The following PCNT variants were observed in gnomAD, a reference collection of about 807,000 sequenced individuals.
PCNT encodes pericentrin.
Under a neutral mutation model 380.4 loss-of-function variants are expected in PCNT, and 319 were observed. The ratio of observed to expected loss-of-function variants is 0.84; its 90% CI spans 0.77 to 0.92. PCNT has a LOEUF of 0.92. Among genes scored for constraint, PCNT ranks in the 40% least tolerant of loss-of-function variants. The pLI, the probability that PCNT is intolerant of heterozygous loss-of-function variation, is 0.00. For missense variants in PCNT, 4,400 were observed against 4,255.3 expected, an observed-to-expected ratio of 1.03 and a Z score of -0.95; for synonymous variants, 1,845 against 1,735.2, an observed-to-expected ratio of 1.06 and a Z score of -1.57.
In PCNT at chr21:46,425,035, G is replaced by A. The variant is rs983565799; in HGVS notation, c.7180-796G>A. On this transcript the variant is annotated intron_variant, in intron 32 of 46. Coordinates refer to ENST00000359568, the MANE Select transcript of PCNT (RefSeq NM_006031.6). This position sits in a 1 kb window ranked among gnomAD's most constrained non-coding sequence, Gnocchi z 4.2. ...CTCATTTTGCATTTCCCTCTTTTTG[G>A]ACTTTATTAGATTATTTTTCTCTTC... Among the ~76,000 whole-genome samples the A allele has an allele frequency of 6.6e-5, 10 of 152,010 alleles. No individual in the cohort carries two copies. The highest frequency in any genetic ancestry group is 6.6e-4 in the Admixed American group (10 of 15,256).
intron 32 of PCNT, among the ~76,000 whole-genome samples, chr21:46,424,715 C>CA (rs143084490): frequency 2.1e-5 from 1 of 48,458 alleles, no homozygotes; most frequent in African/African-American, 1.2e-4. Context: ...TCCCACTGCG[C>CA]CCCCCCCAAC....
chr21:46,363,599 G>T lies in PCNT; in HGVS notation c.2274G>T (p.Glu758Asp). ...CGGACTGGAAAGTTATGAAGGAGGA[G>T]CTACAGCGGGAAGCTGAGGAGAAGT... Reference protein sequence around the residue: ...KETDWKVMKEELQREAEEKLT... With the variant: ...KETDWKVMKEDLQREAEEKLT... The change falls in exon 14 of 47, where the codon GAG (glutamate) becomes GAT (aspartate). Residue 758 changes from glutamate to aspartate, a missense_variant. Physicochemically the swap from Glu to Asp is conservative, Grantham distance 45. Transcript: ENST00000359568. The T allele has an allele frequency of 6.2e-7, 1 of 1,614,206 alleles. No homozygotes were observed. Among genetic ancestry groups the T allele is most frequent in the Non-Finnish European group, 8.5e-7 (1 of 1,180,022 alleles).
In PCNT at chr21:46,366,954, C is replaced by A. The variant is rs768317443; in HGVS notation, c.2980C>A (p.Arg994=). The A allele has an allele frequency of 1.2e-6, 2 of 1,614,228 alleles. No individual in the cohort carries two copies. Among genetic ancestry groups the A allele is most frequent in the Non-Finnish European group, 1.7e-6 (2 of 1,180,048 alleles). ...GCACAGGCAGGCCCTAGAGCTCTTA[C>A]GAGCAGACTTTGAGGAACAACTGTG... is the stretch of plus-strand genomic sequence containing the variant. The part of the protein sequence containing the change: ...EEHRQALELL[R]ADFEEQLWKK... Residue 994 remains arginine, a synonymous_variant, in exon 15 of 47, where the codon CGA becomes AGA. Transcript: ENST00000359568.
At chr21:46,347,075 T>G (rs879625642) in intron 5 of PCNT, 77 bp downstream of exon 5, 2 of 1,529,258 alleles carry the variant, frequency 1.3e-6, no homozygotes, top group Non-Finnish European at 1.8e-6. Flanking sequence ...CTCTTGGGGT[T>G]GGGAGCTGGG....
At chr21:46,422,729 C>T (rs1323162501) in intron 32 of PCNT, among the ~76,000 whole-genome samples, 1 of 152,204 alleles carries the variant, frequency 6.6e-6, no homozygotes, top group Non-Finnish European at 1.5e-5. Context: ...GTCTTCACAT[C>T]AGTGAAACCT....
chr21:46,416,221 C>T lies in PCNT; in HGVS notation c.6303C>T (p.Ala2101=). 6.2e-7 allele frequency: 1 copy of T among 1,614,190 alleles called. No individual in the cohort carries two copies. The highest frequency in any genetic ancestry group is 8.5e-7 in the Non-Finnish European group (1 of 1,180,032). The stretch of plus-strand genomic sequence containing the variant: ...ACACCAAATCTCTGTGGCCCATGGC[C>T]TCAGCACACCTGTTGGAGAGCAGCT... ...AADTKSLWPM[A]SAHLLESSWS... is the part of the protein sequence containing the mutation. Residue 2101 remains alanine, a synonymous_variant, in exon 30 of 47, where the codon GCC becomes GCT. Coordinates refer to ENST00000359568, the MANE Select transcript of PCNT (RefSeq NM_006031.6).
chr21:46,428,982 G>A lies in PCNT; in HGVS notation c.7690+392G>A, dbSNP rs763913553. ...AGTAACGATTTTTTGTTTCTTGCCC[G>A]TGTTCTCTCACGTGCTGTGCCGTCA... On this transcript the variant is annotated intron_variant, in intron 35 of 46. Transcript: ENST00000359568. Among the ~76,000 whole-genome samples the A allele has an allele frequency of 8.5e-4, 129 of 152,352 alleles. 1 individual carries two copies. Among genetic ancestry groups the A allele is most frequent in the African/African-American group, 3.0e-3 (124 of 41,584 alleles).
chr21:46,444,834 C>G lies in PCNT; in HGVS notation c.9967+13C>G. The G allele has an allele frequency of 6.2e-7, 1 of 1,612,024 alleles. No homozygotes were observed. The highest frequency in any genetic ancestry group is 1.1e-5 in the South Asian group (1 of 91,030). On this transcript the variant is annotated intron_variant, in intron 46 of 46. Transcript: ENST00000359568. ...GGGGTACTACCAGGTAATGCAAGTCCTCGCCGAGTATTTATTAAGCTGATT... is the reference window on the plus strand; with the variant it reads ...GGGGTACTACCAGGTAATGCAAGTCGTCGCCGAGTATTTATTAAGCTGATT...
At chr21:46,396,092 AAATAAT>A (rs1245243961) in intron 21 of PCNT, among the ~76,000 whole-genome samples, 1 of 152,222 alleles carries the variant, frequency 6.6e-6, no homozygotes, top group Non-Finnish European at 1.5e-5. Flanking sequence ...TCCATCTCAG[AAATAAT>A]AATAATAAAA....
At chr21:46,324,475 A>T (rs1339919761) in intron 1 of PCNT, among the ~76,000 whole-genome samples, 193 bp downstream of exon 1, 1 of 150,664 alleles carries the variant, frequency 6.6e-6, no homozygotes, top group East Asian at 2.0e-4. Context: ...GCTCTCCGCC[A>T]GGTCCCGCCC....
chr21:46,328,315 C>T (rs1472177573), intron 2 of PCNT, among the ~76,000 whole-genome samples: 5 of 148,066 alleles, frequency 3.4e-5, no homozygotes, highest in African/African-American at 1.0e-4. Context: ...CAGGCTGGAG[C>T]GCAGTGACGC....
At chr21:46,357,415 G>A (rs149823246) in intron 13 of PCNT, among the ~76,000 whole-genome samples, 29 of 152,324 alleles carry the variant, frequency 1.9e-4, no homozygotes, top group African/African-American at 5.5e-4. Flanking sequence ...GCACCGGGGC[G>A]AAAGTGAAGT....
Position 46,443,813 on chromosome 21 carries a change from C to A in PCNT, c.9704C>A (p.Pro3235His), listed in dbSNP as rs751945994. 2.9e-5 allele frequency: 46 copies of A among 1,613,628 alleles called. No homozygotes were observed. In the South Asian group the frequency reaches 4.9e-4, roughly 17 times the overall value. Residue 3235 changes from proline to histidine, a missense_variant, in exon 45 of 47, where the codon CCC (proline) becomes CAC (histidine). Transcript: ENST00000359568. ...TTGTTAAATAATTCTGGGGAAGGGC[C>A]CCGAGCACGACAGCCGCAGTCTCCA... ...LAQGKAPRPG[P>H]RARQPQSPPR... is the part of the protein sequence containing the mutation.
At position 46,416,504 on chromosome 21, in the gene PCNT, G is replaced by A. The variant is rs375143479; in HGVS notation, c.6586G>A (p.Val2196Ile). 2.5e-5 allele frequency: 40 copies of A among 1,613,740 alleles called. No individual in the cohort carries two copies. In the East Asian group the frequency reaches 3.3e-4, roughly 13 times the overall value. ...QDMSLSSPTS[V>I]LGGSRHQSHT... ...CATGTCTCTTTCTTCACCGACCAGC[G>A]TACTTGGTGGCTCCCGCCACCAGAG... The change falls in exon 30 of 47, where the codon GTA becomes ATA. Residue 2196 changes from valine (V) to isoleucine (I), a missense_variant. Physicochemically the swap from Val to Ile is conservative, Grantham distance 29 (BLOSUM62 3). Coordinates refer to ENST00000359568, the MANE Select transcript of PCNT (RefSeq NM_006031.6).
chr21:46,422,914 A>T (rs1293151052), intron 32 of PCNT, among the ~76,000 whole-genome samples: 1 of 152,090 alleles, frequency 6.6e-6, no homozygotes, highest in Non-Finnish European at 1.5e-5. Flanking sequence ...CCCATCCATG[A>T]CGTTAAGTGA....
rs1400375274 is a variant in PCNT at position 46,324,268 on chromosome 21, G to T, written c.40G>T (p.Ala14Ser). Residue 14 changes from alanine (A) to serine (S), a missense_variant, in exon 1 of 47, where the codon GCC becomes TCC. Physicochemically the swap from Ala to Ser is moderately conservative, Grantham distance 99. Coordinates refer to ENST00000359568, the MANE Select transcript of PCNT (RefSeq NM_006031.6). ...EQEQRRRKVE[A>S]GRTKLAHFRQ... ...AGAGCAGCGGCGCAGAAAGGTGGAG[G>T]CCGGGAGGACGAAGGTAAACATTAG... 1.9e-6 allele frequency: 3 copies of T among 1,611,762 alleles called. No homozygotes were observed. The East Asian group carries it at 6.7e-5, about 36-fold the overall frequency.
rs935171734 is a variant in PCNT at position 46,326,501 on chromosome 21, A to G, written c.179A>G (p.Asp60Gly). 2.5e-6 allele frequency: 4 copies of G among 1,614,090 alleles called. No homozygotes were observed. Among genetic ancestry groups the G allele is most frequent in the Non-Finnish European group, 3.4e-6 (4 of 1,180,046 alleles). Reference sequence around the variant, plus strand: ...GAGGAGAGTCCGGTAACCAAGGAGGACAGCGCACTCTGTGGAGGAGGGGAC... The same window carrying G: ...GAGGAGAGTCCGGTAACCAAGGAGGGCAGCGCACTCTGTGGAGGAGGGGAC... ...VQEESPVTKE[D>G]SALCGGGDIC... The change falls in exon 2 of 47, where the codon GAC (aspartate) becomes GGC (glycine). Residue 60 changes from aspartate (D) to glycine (G), a missense_variant. Coordinates refer to ENST00000359568, the MANE Select transcript of PCNT (RefSeq NM_006031.6).
At chr21:46,401,488 C>T (rs1601967594) in intron 25 of PCNT, 63 bp from the exon 26 acceptor site, 1 of 1,304,562 alleles carries the variant, frequency 7.7e-7, no homozygotes, top group East Asian at 2.3e-5. Context: ...CTTTAACAGG[C>T]AGCAGTTGAG....
At chr21:46,436,741 T>G (rs116621175) in intron 39 of PCNT, among the ~76,000 whole-genome samples, 3 of 152,180 alleles carry the variant, frequency 2.0e-5, no homozygotes, top group African/African-American at 7.2e-5. Flanking sequence ...GGCGGTGGCT[T>G]CCCGTGCTCG....
Sources: gnomAD v4.1 joint callset for allele counts (sites outside exome capture counted in the v4.1 genomes callset) on GRCh38, gnomAD v4.1.1 for gene constraint, Gnocchi (gnomAD v3.1) non-coding constraint, MANE v1.5 for transcripts, NCBI Gene and HGNC (gene_info 2026-07-23, HGNC 2026-07-21) for gene names.